BMP2K: variants seen among roughly 807,000 people sequenced by gnomAD.
BMP2K encodes the protein BMP2 inducible kinase.
BMP2K carries 74 observed loss-of-function variants against 116.0 expected under a neutral mutation model. The observed-to-expected ratio is 0.64, with a 90% CI of 0.53 to 0.77. The LOEUF (loss-of-function observed/expected upper bound fraction) is 0.77, where lower values mean the gene tolerates loss of function less well. Ranked by LOEUF, BMP2K falls within the 30% of genes least tolerant of loss-of-function variation. BMP2K has a pLI of 0.00. For synonymous variants in BMP2K, 486 were observed against 502.5 expected, an observed-to-expected ratio of 0.97 and a Z score of 0.44; for missense variants, 1,365 against 1,403.6, an observed-to-expected ratio of 0.97 and a Z score of 0.44.
Position 78,910,643 on chromosome 4 carries a change from T to C in BMP2K, c.2096T>C (p.Ile699Thr), listed in dbSNP as rs575602338. ...SPEKKAEHSS[I>T]NQENGTANPI... ...GAAAAGAAAGCTGAACATTCATCTA[T>C]AAATCAAGAAAATGGCACTGCAAAC... Residue 699 changes from isoleucine (I) to threonine (T), a missense_variant, in exon 16 of 16, where the codon ATA becomes ACA. Ile to Thr is a moderately conservative substitution (Grantham distance 89). Transcript: ENST00000502613. 3.8e-6 allele frequency: 6 copies of C among 1,558,766 alleles called. No homozygotes were observed. The South Asian group carries it at 6.2e-5, about 16-fold the overall frequency.
intron 8 of BMP2K, 59 bp from the exon 9 acceptor site, chr4:78,861,330 A>G: frequency 7.2e-7 from 1 of 1,393,136 alleles, no homozygotes; most frequent in Non-Finnish European, 9.8e-7. Context: ...AGCTTACAAA[A>G]ACTTTCTGCA....
intron 1 of BMP2K, among the ~76,000 whole-genome samples, chr4:78,823,979 A>G (rs1265153954): frequency 6.6e-6 from 1 of 152,180 alleles, no homozygotes; most frequent in Non-Finnish European, 1.5e-5. Flanking sequence ...TAGGTCTTCT[A>G]CTTTCTGGCT....
chr4:78,910,541 T>C, intron 15 of BMP2K, 69 bp from the exon 16 acceptor site: 2 of 1,257,340 alleles, frequency 1.6e-6, no homozygotes, highest in East Asian at 2.6e-5. Context: ...GTAATACATA[T>C]TAACATTTAG....
At chr4:78,867,616 G>A (rs964736246) in intron 10 of BMP2K, among the ~76,000 whole-genome samples, 10 of 151,758 alleles carry the variant, frequency 6.6e-5, no homozygotes, top group East Asian at 1.9e-4. Context: ...TAAAATATTC[G>A]GATTATACAG....
chr4:78,855,686 G>C (rs776363965), intron 7 of BMP2K, among the ~76,000 whole-genome samples: 1 of 152,142 alleles, frequency 6.6e-6, no homozygotes, highest in Non-Finnish European at 1.5e-5. Context: ...AGACCAGTGT[G>C]TACATCAATA....
At chr4:78,853,154 C>T (rs1483157730) in intron 7 of BMP2K, among the ~76,000 whole-genome samples, 1 of 152,092 alleles carries the variant, frequency 6.6e-6, no homozygotes, top group African/African-American at 2.4e-5. Context: ...AGATACACAT[C>T]GTTTTCGTAT....
At chr4:78,792,203 A>G (rs910741028) in intron 1 of BMP2K, among the ~76,000 whole-genome samples, 22 of 152,240 alleles carry the variant, frequency 1.4e-4, no homozygotes, top group Admixed American at 1.2e-3. Flanking sequence ...ATATTGTTAT[A>G]GAACATAAAA....
At chr4:78,850,573 A>G (rs1014245270) in intron 6 of BMP2K, among the ~76,000 whole-genome samples, 3 of 151,890 alleles carry the variant, frequency 2.0e-5, no homozygotes, top group African/African-American at 7.2e-5. Context: ...AAATGCTGTT[A>G]AAGAAGAAGC....
chr4:78,805,411 G>T (rs555634959), intron 1 of BMP2K, among the ~76,000 whole-genome samples: 1 of 152,138 alleles, frequency 6.6e-6, no homozygotes, highest in South Asian at 2.1e-4. Context: ...ATTTTCATAT[G>T]TATGTTTGGA....
At chr4:78,802,535 A>G (rs1241607036) in intron 1 of BMP2K, among the ~76,000 whole-genome samples, 2 of 152,346 alleles carry the variant, frequency 1.3e-5, no homozygotes, top group East Asian at 1.9e-4. Flanking sequence ...GAAGTTATAC[A>G]TACAGTCTCC....
chr4:78,865,852 T>C (rs938877922), intron 10 of BMP2K, 132 bp downstream of exon 10: 3 of 856,190 alleles, frequency 3.5e-6, no homozygotes, highest in Non-Finnish European at 5.3e-6. Flanking sequence ...AACTTTCTAT[T>C]GATGTCTAAT....
intron 1 of BMP2K, among the ~76,000 whole-genome samples, chr4:78,801,154 T>C (rs1485530418): frequency 1.3e-5 from 2 of 152,218 alleles, no homozygotes; most frequent in South Asian, 2.1e-4. Context: ...CCAGGCTTCC[T>C]TGCTTCTATT....
chr4:78,856,404 C>T (rs535008530), intron 7 of BMP2K, among the ~76,000 whole-genome samples: 2 of 152,202 alleles, frequency 1.3e-5, no homozygotes, highest in African/African-American at 4.8e-5. Flanking sequence ...TCTGCGCACT[C>T]TAGATTACAT....
At chr4:78,814,814 T>A (rs1355078033) in intron 1 of BMP2K, among the ~76,000 whole-genome samples, 1 of 151,942 alleles carries the variant, frequency 6.6e-6, no homozygotes, top group African/African-American at 2.4e-5. Context: ...CATAACTTTT[T>A]AAAAAAAATA....
Position 78,833,574 on chromosome 4 carries a change from C to A in BMP2K, c.298-8C>A, listed in dbSNP as rs768793996. 1 of 1,448,804 alleles carries A rather than the reference C, an allele frequency of 6.9e-7. No homozygotes were observed. Among genetic ancestry groups the A allele is most frequent in the Non-Finnish European group, 9.2e-7 (1 of 1,089,510 alleles). 89.7% of individuals were successfully genotyped at this position (1,448,804 alleles called of 1,614,324 possible). A position where few individuals can be genotyped will look rare whatever the true frequency, so the allele number is the denominator to read the frequency against. The stretch of plus-strand genomic sequence containing the variant: ...TTTTCCAGTTTTCATTTTTTTTTTT[C>A]TTTCCAGAAAGAGCTATCTGGTCAC... On this transcript the variant is annotated splice_region_variant and splice_polypyrimidine_tract_variant and intron_variant, in intron 2 of 15. Transcript: ENST00000502613.
Position 78,911,744 on chromosome 4 carries a change from T to G in BMP2K, c.3197T>G (p.Leu1066Trp). 1 of 1,613,988 alleles carries G rather than the reference T, an allele frequency of 6.2e-7. No homozygotes were observed. Among genetic ancestry groups the G allele is most frequent in the Non-Finnish European group, 8.5e-7 (1 of 1,179,888 alleles). ...GNVLQPEESL[L>W]DPFGAKPFHS... is the part of the protein sequence containing the mutation. ...GTCTTACAACCTGAGGAGAGCCTGTTGGACCCCTTCGGTGCCAAGCCCTTC... is the reference window on the plus strand; with the variant it reads ...GTCTTACAACCTGAGGAGAGCCTGTGGGACCCCTTCGGTGCCAAGCCCTTC... Residue 1066 changes from leucine to tryptophan, a missense_variant, in exon 16 of 16, where the codon TTG (leucine) becomes TGG (tryptophan). Leu to Trp is a moderately conservative substitution (Grantham distance 61). Transcript: ENST00000502613.
chr4:78,795,318 A>G (rs1251227237), intron 1 of BMP2K, among the ~76,000 whole-genome samples: 2 of 152,202 alleles, frequency 1.3e-5, no homozygotes, highest in Non-Finnish European at 2.9e-5. Flanking sequence ...CTCTCTAATT[A>G]TCTAACTGTT....
chr4:78,781,124 C>T (rs1041638229), intron 1 of BMP2K, among the ~76,000 whole-genome samples: 2 of 152,074 alleles, frequency 1.3e-5, no homozygotes, highest in African/African-American at 4.8e-5. Flanking sequence ...GGCAAGGTGA[C>T]CAGGGTCCGG....
chr4:78,901,249 C>G (rs905426892), intron 15 of BMP2K, among the ~76,000 whole-genome samples: 1 of 149,724 alleles, frequency 6.7e-6, no homozygotes, highest in Non-Finnish European at 1.5e-5. Context: ...TTTGTAGAGA[C>G]TAGGTCTTAC....
Sources: gnomAD v4.1 joint callset for allele counts (sites outside exome capture counted in the v4.1 genomes callset) on GRCh38, gnomAD v4.1.1 for gene constraint, MANE v1.5 for transcripts, NCBI Gene and HGNC (gene_info 2026-07-23, HGNC 2026-07-21) for gene names.